Variants in SPAG16 observed in about 807,000 individuals in gnomAD.
The protein encoded by SPAG16 is sperm associated antigen 16, also known as sperm-associated antigen 16 protein.
In SPAG16, 86 loss-of-function variants were observed where a neutral mutation model predicts 80.4. That is an observed-to-expected ratio of 1.07 (90% confidence interval 0.90 to 1.28). The LOEUF is 1.28. Among genes scored for constraint, SPAG16 ranks in the 50% most tolerant of loss-of-function variants. The probability of loss-of-function intolerance (pLI) is 0.00; values close to 1 mark genes in which losing one functional copy is unlikely to be tolerated. For synonymous variants in SPAG16, 294 were observed against 265.9 expected (o/e 1.11, Z -1.03); for missense variants, 870 against 765.3 (o/e 1.14, Z -1.61).
At chr2:214,004,601 CT>C (rs2046944134) in intron 12 of SPAG16, among the ~76,000 whole-genome samples, 1 of 151,978 alleles carries the variant, frequency 6.6e-6, no homozygotes, top group Admixed American at 6.6e-5. Context: ...GTAGTCGATT[CT>C]TTTGGCAGCC....
chr2:214,255,471 C>T (rs771262837), intron 15 of SPAG16, among the ~76,000 whole-genome samples: 3 of 152,026 alleles, frequency 2.0e-5, no homozygotes, highest in Non-Finnish European at 2.9e-5. Context: ...CCTACCCTTA[C>T]ATCAATGCAT....
intron 10 of SPAG16, among the ~76,000 whole-genome samples, chr2:213,591,998 A>G (rs1387768315): frequency 6.6e-6 from 1 of 152,224 alleles, no homozygotes; most frequent in Non-Finnish European, 1.5e-5. Context: ...GAGGAGGCTG[A>G]GTAGGTTCAG....
At chr2:213,297,551 C>G (rs149055581) in intron 3 of SPAG16, among the ~76,000 whole-genome samples, 194 bp downstream of exon 3, 1 of 152,084 alleles carries the variant, frequency 6.6e-6, no homozygotes, top group African/African-American at 2.4e-5. Flanking sequence ...TTGCCATTCT[C>G]CACATCATGG....
intron 15 of SPAG16, among the ~76,000 whole-genome samples, chr2:214,298,587 G>T (rs1694321695): frequency 6.6e-6 from 1 of 152,158 alleles, no homozygotes; most frequent in South Asian, 2.1e-4. Context: ...ACAGAGTCTT[G>T]TGACAAGGGC....
At chr2:213,400,072 A>T (rs2068235506) in intron 9 of SPAG16, among the ~76,000 whole-genome samples, 1 of 151,900 alleles carries the variant, frequency 6.6e-6, no homozygotes, top group Non-Finnish European at 1.5e-5. Flanking sequence ...TCCTGTAAAT[A>T]TATAAATTTT....
intron 13 of SPAG16, among the ~76,000 whole-genome samples, chr2:214,015,613 A>AAG (rs397946877): frequency 1.3e-5 from 2 of 151,174 alleles, no homozygotes; most frequent in Non-Finnish European, 2.9e-5. Flanking sequence ...AAAAAAAAAA[A>AAG]TCAAAGAAAG....
At chr2:213,949,055 A>G (rs1341674628) in intron 12 of SPAG16, among the ~76,000 whole-genome samples, 3 of 152,082 alleles carry the variant, frequency 2.0e-5, no homozygotes, top group Non-Finnish European at 4.4e-5. Context: ...TTCTTTTTAC[A>G]AACAGTAATG....
chr2:213,912,801 A>G (rs578220213), intron 11 of SPAG16, among the ~76,000 whole-genome samples: 5 of 152,322 alleles, frequency 3.3e-5, no homozygotes, highest in South Asian at 2.1e-4. Flanking sequence ...CCTGAAGCTA[A>G]GTGGCCCAGC....
At chr2:213,613,788 A>G (rs1224443776) in intron 10 of SPAG16, among the ~76,000 whole-genome samples, 1 of 152,202 alleles carries the variant, frequency 6.6e-6, no homozygotes, top group Non-Finnish European at 1.5e-5. Flanking sequence ...AATAGATGCT[A>G]AGCAGTATCT....
At chr2:213,576,046 A>G (rs945859548) in intron 10 of SPAG16, among the ~76,000 whole-genome samples, 5 of 152,222 alleles carry the variant, frequency 3.3e-5, no homozygotes, top group Admixed American at 6.5e-5. Flanking sequence ...CCAGGTTTTT[A>G]TAGTTTTAGG....
intron 10 of SPAG16, among the ~76,000 whole-genome samples, chr2:213,621,842 C>T (rs2061798593): frequency 6.6e-6 from 1 of 152,258 alleles, no homozygotes; most frequent in East Asian, 1.9e-4. Flanking sequence ...TAGAGAGTTG[C>T]TAAAAATGCA....
At chr2:214,383,579 A>G (rs1211447967) in intron 15 of SPAG16, among the ~76,000 whole-genome samples, 4 of 134,258 alleles carry the variant, frequency 3.0e-5, no homozygotes, top group African/African-American at 7.7e-5. Context: ...TCAAAAAAAA[A>G]GAAAAAAGAA....
At chr2:213,454,112 G>A (rs1244098550) in intron 9 of SPAG16, among the ~76,000 whole-genome samples, 1 of 152,014 alleles carries the variant, frequency 6.6e-6, no homozygotes, top group Non-Finnish European at 1.5e-5. Context: ...AGCAAACGGG[G>A]AACATGTAAC....
chr2:213,843,787 G>T (rs1029895278), intron 10 of SPAG16, among the ~76,000 whole-genome samples: 1 of 152,090 alleles, frequency 6.6e-6, no homozygotes, highest in Non-Finnish European at 1.5e-5. Flanking sequence ...GGAGGCGGAG[G>T]TTGCAGTAAG....
At chr2:213,480,062 A>C (rs1317250040) in intron 9 of SPAG16, among the ~76,000 whole-genome samples, 5 of 152,246 alleles carry the variant, frequency 3.3e-5, no homozygotes, top group African/African-American at 7.2e-5. Flanking sequence ...AAAGATAAGA[A>C]GTATGGAAGC....
intron 7 of SPAG16, among the ~76,000 whole-genome samples, chr2:213,351,609 G>T (rs1040521038): frequency 2.6e-5 from 4 of 152,084 alleles, no homozygotes; most frequent in African/African-American, 9.7e-5. Context: ...CTGCAACTAT[G>T]CTTAACATTC....
intron 15 of SPAG16, among the ~76,000 whole-genome samples, chr2:214,262,284 T>G (rs1314114812): frequency 6.6e-6 from 1 of 152,062 alleles, no homozygotes; most frequent in Non-Finnish European, 1.5e-5. Context: ...AATTAAAACT[T>G]TGAGTTAATT....
chr2:213,672,895 G>C (rs1250814172), intron 10 of SPAG16, among the ~76,000 whole-genome samples: 2 of 126,844 alleles, frequency 1.6e-5, no homozygotes, highest in Admixed American at 1.9e-4. Context: ...GTCTTGCACT[G>C]TTGCTTAGGC....
At chr2:213,353,834 A>C (rs576630360) in intron 7 of SPAG16, among the ~76,000 whole-genome samples, 16 of 152,298 alleles carry the variant, frequency 1.1e-4, no homozygotes, top group Non-Finnish European at 1.3e-4. Flanking sequence ...GGGAATTTTT[A>C]ATAAATTCCA....
Sources: gnomAD v4.1 joint callset for allele counts (sites outside exome capture counted in the v4.1 genomes callset) on GRCh38, gnomAD v4.1.1 for gene constraint, MANE v1.5 for transcripts, NCBI Gene and HGNC (gene_info 2026-07-23, HGNC 2026-07-21) for gene names.